Variants in ESR1 observed in about 807,000 individuals in gnomAD.
ESR1 encodes the protein estrogen receptor 1.
Under a neutral mutation model 52.7 loss-of-function variants are expected in ESR1, and 12 were observed. The observed-to-expected ratio is 0.23, with a 90% CI of 0.15 to 0.37. The LOEUF is 0.37. ESR1 is among the 10% of genes least tolerant of loss of function. The pLI, the probability that ESR1 is intolerant of heterozygous loss-of-function variation, is 1.00. For synonymous variants in ESR1, 305 were observed against 316.8 expected, an observed-to-expected ratio of 0.96 and a Z score of 0.39; for missense variants, 584 against 779.7, an observed-to-expected ratio of 0.75 and a Z score of 2.99.
At chr6:151,856,935 A>G (rs1406480161) in intron 2 of ESR1, among the ~76,000 whole-genome samples, 1 of 152,166 alleles carries the variant, frequency 6.6e-6, no homozygotes, top group African/African-American at 2.4e-5. Flanking sequence ...TTGCCCTACC[A>G]TGAAGGGCTC....
At chr6:151,790,803 G>A (rs1486561307) in intron 2 of ESR1, among the ~76,000 whole-genome samples, 1 of 151,944 alleles carries the variant, frequency 6.6e-6, no homozygotes, top group Non-Finnish European at 1.5e-5. Context: ...AAATAATGAG[G>A]CCAACCTTAT....
At chr6:151,768,557 T>C (rs1785247371) in intron 2 of ESR1, among the ~76,000 whole-genome samples, 1 of 152,176 alleles carries the variant, frequency 6.6e-6, no homozygotes, top group Non-Finnish European at 1.5e-5. Flanking sequence ...ACTGTACCTA[T>C]GTGAATTTCC....
chr6:151,659,288 C>T (rs1420294840), intron 1 of ESR1, among the ~76,000 whole-genome samples: 3 of 152,216 alleles, frequency 2.0e-5, no homozygotes, highest in African/African-American at 7.2e-5. Context: ...GCTGGGATTA[C>T]AGGCGTGAGC....
At chr6:151,741,734 A>G (rs1331326382) in intron 2 of ESR1, among the ~76,000 whole-genome samples, 1 of 152,210 alleles carries the variant, frequency 6.6e-6, no homozygotes, top group Non-Finnish European at 1.5e-5. Context: ...TAGATAATAA[A>G]ATGATTACTA....
At chr6:152,116,980 GA>G (rs2051218103) in intron 6 of ESR1, among the ~76,000 whole-genome samples, 1 of 152,142 alleles carries the variant, frequency 6.6e-6, no homozygotes, top group South Asian at 2.1e-4. Flanking sequence ...GCCAACTGGA[GA>G]GAGTTAAAGG....
chr6:151,965,151 C>T (rs937229072), intron 4 of ESR1, among the ~76,000 whole-genome samples: 2 of 152,092 alleles, frequency 1.3e-5, no homozygotes, highest in Admixed American at 1.3e-4. Flanking sequence ...TTTATTTTTA[C>T]CCAGTTGCGA....
chr6:152,094,296 G>A lies in ESR1; in HGVS notation c.1370-89G>A. The stretch of plus-strand genomic sequence containing the variant: ...ACTACTGTGCTGAGGAAGGGCACTG[G>A]CTCATTGTTACATCCCATGAACACT... On this transcript the variant is annotated intron_variant, in intron 6 of 7. Transcript: ENST00000206249. This position sits in a 1 kb window ranked among gnomAD's most constrained non-coding sequence, Gnocchi z 4.6. 9.0e-7 allele frequency: 1 copy of A among 1,108,580 alleles called. No individual in the cohort carries two copies. Among genetic ancestry groups the A allele is most frequent in the Admixed American group, 1.7e-5 (1 of 59,376 alleles). 68.7% of individuals were successfully genotyped at this position (1,108,580 alleles called of 1,614,324 possible).
chr6:151,879,852 C>T (rs1792504324), intron 2 of ESR1, among the ~76,000 whole-genome samples: 1 of 152,118 alleles, frequency 6.6e-6, no homozygotes, highest in Non-Finnish European at 1.5e-5. Context: ...CGTCACCACC[C>T]AGCCCACCAA....
Position 152,116,301 on chromosome 6 carries a change from C to T in ESR1, c.851-8965C>T, listed in dbSNP as rs146017305. Among the ~76,000 whole-genome samples the T allele has an allele frequency of 5.3e-4, 81 of 152,210 alleles. No individual in the cohort carries two copies. The Middle Eastern group carries it at 0.01, about 19-fold the overall frequency. ...TACACGCAAGAGTGTCTACTGCAGC[C>T]GTGATTCCTAACAAACCCTGGAAGA... On this transcript the variant is annotated intron_variant, in intron 6 of 6. Transcript: ENST00000427531.
chr6:151,774,173 T>C (rs1345869936), intron 2 of ESR1, among the ~76,000 whole-genome samples: 1 of 152,184 alleles, frequency 6.6e-6, no homozygotes, highest in Non-Finnish European at 1.5e-5. Flanking sequence ...ATAATAACCA[T>C]TTCACTAGTT....
intron 6 of ESR1, among the ~76,000 whole-genome samples, chr6:152,067,903 C>G (rs2048092570): frequency 1.3e-5 from 2 of 152,174 alleles, no homozygotes; most frequent in East Asian, 3.8e-4. Flanking sequence ...CTTAGTATGC[C>G]AATGTTGCTT....
chr6:152,040,876 G>C (rs2045733519), intron 5 of ESR1, among the ~76,000 whole-genome samples: 1 of 152,150 alleles, frequency 6.6e-6, no homozygotes, highest in Non-Finnish European at 1.5e-5. Context: ...GGGCATTTGA[G>C]CTACTTCCTC....
At chr6:151,992,883 G>T (rs2041153390) in intron 4 of ESR1, among the ~76,000 whole-genome samples, 1 of 152,102 alleles carries the variant, frequency 6.6e-6, no homozygotes, top group African/African-American at 2.4e-5. Context: ...AAATATGTCT[G>T]TTATAACATA....
chr6:151,680,055 C>G (rs852001), intron 1 of ESR1, among the ~76,000 whole-genome samples: 1 of 151,972 alleles, frequency 6.6e-6, no homozygotes, highest in African/African-American at 2.4e-5. Context: ...GCTGCTTCAA[C>G]AGATACCATA....
intron 6 of ESR1, among the ~76,000 whole-genome samples, chr6:152,115,721 T>C (rs1418243704): frequency 6.6e-6 from 1 of 151,906 alleles, no homozygotes; most frequent in African/African-American, 2.4e-5. Context: ...AAAAGAAAAA[T>C]GGAGCACAAA....
chr6:151,909,332 C>T (rs943756113), intron 3 of ESR1, among the ~76,000 whole-genome samples: 10 of 152,194 alleles, frequency 6.6e-5, no homozygotes, highest in African/African-American at 1.9e-4. Flanking sequence ...GGAGTCTCCA[C>T]CTTGAATCTG....
At chr6:151,996,312 T>C (rs2041477665) in intron 4 of ESR1, among the ~76,000 whole-genome samples, 1 of 152,120 alleles carries the variant, frequency 6.6e-6, no homozygotes, top group Admixed American at 6.5e-5. Context: ...CAATACACCC[T>C]CTGCTTTAGC....
At chr6:152,118,549 G>A (rs930546084) in intron 6 of ESR1, 9 of 145,886 alleles carry the variant, frequency 6.2e-5, no homozygotes, top group African/African-American at 2.0e-4. Context: ...GACGAACAAT[G>A]AGAACACATA....
At chr6:151,918,031 A>G (rs933727591) in intron 3 of ESR1, among the ~76,000 whole-genome samples, 26 of 152,204 alleles carry the variant, frequency 1.7e-4, no homozygotes, top group Non-Finnish European at 2.4e-4. Flanking sequence ...GTGTTTGTCA[A>G]GTGCTTTTCA....
Sources: allele counts gnomAD v4.1 joint callset (sites outside exome capture counted in the v4.1 genomes callset), GRCh38; gene constraint gnomAD v4.1.1; non-coding constraint Gnocchi (gnomAD v3.1); transcripts MANE v1.5; gene names NCBI Gene and HGNC (gene_info 2026-07-23, HGNC 2026-07-21).